The following PCDHA7 variants were observed in gnomAD, a reference collection of about 807,000 sequenced individuals.
PCDHA7 encodes protocadherin alpha-7.
PCDHA7 carries 37 observed loss-of-function variants against 57.2 expected under a neutral mutation model. The ratio of observed to expected loss-of-function variants is 0.65; its 90% CI spans 0.50 to 0.85. The LOEUF (loss-of-function observed/expected upper bound fraction) is 0.85. Ranked by LOEUF, PCDHA7 falls within the 40% of genes least tolerant of loss-of-function variation. The probability of loss-of-function intolerance (pLI) is 0.00; values close to 1 mark genes in which losing one functional copy is unlikely to be tolerated. For synonymous variants in PCDHA7, 553 were observed against 558.8 expected (o/e 0.99, Z 0.15); for missense variants, 1,188 against 1,241.8 (o/e 0.96, Z 0.65).
At chr5:140,863,423 T>A (rs1334887353) in intron 1 of PCDHA7, 2 of 677,498 alleles carry the variant, frequency 3.0e-6, no homozygotes, top group Non-Finnish European at 5.2e-6. Flanking sequence ...TACCGCAGCG[T>A]AGTGGGATCT....
In PCDHA7 at chr5:140,843,242, G is replaced by T. The variant is rs2150355808; in HGVS notation, c.2355+6504G>T. On this transcript the variant is annotated intron_variant, in intron 1 of 3. Transcript: ENST00000525929. Reference sequence around the variant, plus strand: ...CACCACTCGTGTCCTGGACGAAGCGGACTCTCCGCGCCACCGTCTGCTGGT... The same window carrying T: ...CACCACTCGTGTCCTGGACGAAGCGTACTCTCCGCGCCACCGTCTGCTGGT... 2.5e-5 allele frequency: 40 copies of T among 1,596,002 alleles called. 3 individuals carry two copies. In the African/African-American group the frequency reaches 3.4e-4, roughly 13 times the overall value.
intron 1 of PCDHA7, chr5:140,851,454 T>C: frequency 1.1e-6 from 1 of 899,244 alleles, no homozygotes; most frequent in Non-Finnish European, 1.4e-6. Flanking sequence ...ACTTTAGGAA[T>C]CAAATTATGT....
chr5:140,979,573 G>T lies in PCDHA7; in HGVS notation c.2414+566G>T, dbSNP rs558232107. Among the ~76,000 whole-genome samples, 224 of 152,236 alleles carry T rather than the reference G, an allele frequency of 1.5e-3. 1 individual carries two copies. Among genetic ancestry groups the T allele is most frequent in the African/African-American group, 5.2e-3 (215 of 41,538 alleles). On this transcript the variant is annotated intron_variant, in intron 2 of 3. Transcript: ENST00000525929. ...CTTCAGAAGATGAGCCATGTAAAGG[G>T]CTCCAAATCTAGCTTACTTTAAATT...
intron 1 of PCDHA7, among the ~76,000 whole-genome samples, chr5:140,897,618 T>C: frequency 6.6e-6 from 1 of 152,172 alleles, no homozygotes; most frequent in Non-Finnish European, 1.5e-5. Flanking sequence ...TTCCAAGTCT[T>C]TACTATTGTG....
intron 1 of PCDHA7, among the ~76,000 whole-genome samples, chr5:140,930,626 A>G (rs1554207971): frequency 6.6e-6 from 1 of 152,220 alleles, no homozygotes; most frequent in Non-Finnish European, 1.5e-5. Flanking sequence ...GGAGGTGTGT[A>G]GAAATTAAGG....
intron 2 of PCDHA7, among the ~76,000 whole-genome samples, chr5:140,980,164 G>A (rs187011465): frequency 1.6e-3 from 238 of 152,226 alleles, no homozygotes; most frequent in Middle Eastern, 6.8e-3. Context: ...AGAATATTAG[G>A]TATCAGAAGA....
At chr5:140,862,361 ACCC>A in intron 1 of PCDHA7, 2 of 339,278 alleles carry the variant, frequency 5.9e-6, no homozygotes, top group South Asian at 4.8e-5. Context: ...GGGACAGACG[ACCC>A]GCACCCTGAC....
Position 140,907,813 on chromosome 5 carries a change from G to A in PCDHA7, c.2355+71075G>A, listed in dbSNP as rs192249919. On this transcript the variant is annotated intron_variant, in intron 1 of 3. Coordinates refer to ENST00000525929, the MANE Select transcript of PCDHA7 (RefSeq NM_018910.3). ...AGAGGCTAAGTGGTGTCCACAGAACGAGTCATCCTATCCACTTGTTTATTA... is the reference window on the plus strand; with the variant it reads ...AGAGGCTAAGTGGTGTCCACAGAACAAGTCATCCTATCCACTTGTTTATTA... Among the ~76,000 whole-genome samples the A allele has an allele frequency of 2.7e-3, 406 of 152,332 alleles. 1 individual carries two copies. The highest frequency in any genetic ancestry group is 9.3e-3 in the African/African-American group (387 of 41,574).
At chr5:140,938,876 AAC>A (rs142461507) in intron 1 of PCDHA7, among the ~76,000 whole-genome samples, 10 of 151,120 alleles carry the variant, frequency 6.6e-5, no homozygotes, top group Non-Finnish European at 1.3e-4. Flanking sequence ...GTTAAGAAGC[AAC>A]ACACACACAC....
At chr5:140,912,410 T>C (rs2075912290) in intron 1 of PCDHA7, among the ~76,000 whole-genome samples, 1 of 152,090 alleles carries the variant, frequency 6.6e-6, no homozygotes, top group Non-Finnish European at 1.5e-5. Context: ...AGCTTGGTTA[T>C]TATTGGTGTA....
intron 1 of PCDHA7, chr5:140,876,227 C>T (rs782218758): frequency 2.5e-6 from 4 of 1,613,794 alleles, no homozygotes; most frequent in South Asian, 2.2e-5. Flanking sequence ...GTAGTGTTGT[C>T]TGAAAATGTC....
intron 1 of PCDHA7, chr5:140,866,520 T>C (rs1294227332): frequency 6.6e-6 from 1 of 152,150 alleles, no homozygotes; most frequent in Non-Finnish European, 1.5e-5. Context: ...GACTAAGCCA[T>C]GATAGAGCAG....
chr5:140,859,198 T>C lies in PCDHA7; in HGVS notation c.2355+22460T>C, dbSNP rs1554152210. 2.0e-5 allele frequency: 3 copies of C among 149,984 alleles called. 1 individual carries two copies. The highest frequency in any genetic ancestry group is 7.3e-5 in the African/African-American group (3 of 40,916). The allele number at this position is 149,984 out of a possible 1,614,324, so 9.3% of individuals were successfully genotyped here. A position where few individuals can be genotyped will look rare whatever the true frequency, so the allele number is the denominator to read the frequency against. ...CAGCATTAGGCATTGCTTATGATAT[T>C]CAGGTATTAGCTCTTTCACTTTAAG... On this transcript the variant is annotated intron_variant, in intron 1 of 3. Coordinates refer to ENST00000525929, the MANE Select transcript of PCDHA7 (RefSeq NM_018910.3).
At chr5:140,842,126 C>T (rs534570289) in intron 1 of PCDHA7, 2 of 1,613,822 alleles carry the variant, frequency 1.2e-6, no homozygotes, top group Non-Finnish European at 1.7e-6. Flanking sequence ...TGCTTCTGAT[C>T]CGGATGAAGG....
At chr5:140,847,907 G>A (rs1382630949) in intron 1 of PCDHA7, 1 of 149,326 alleles carries the variant, frequency 6.7e-6, no homozygotes, top group Non-Finnish European at 1.5e-5. Flanking sequence ...TAGATTTCTG[G>A]GCTCCTATAT....
At chr5:140,911,410 A>G (rs1472938045) in intron 1 of PCDHA7, among the ~76,000 whole-genome samples, 1 of 152,208 alleles carries the variant, frequency 6.6e-6, no homozygotes, top group African/African-American at 2.4e-5. Context: ...AGCCACTGGT[A>G]TGATAAGAAC....
intron 1 of PCDHA7, chr5:140,877,100 C>A (rs782669477): frequency 2.5e-6 from 4 of 1,613,344 alleles, no homozygotes; most frequent in African/African-American, 1.3e-5. Context: ...GCCGGCGTGC[C>A]GCCTCTGGGC....
At position 141,010,163 on chromosome 5, in the gene PCDHA7, C is replaced by T; in HGVS notation, c.*226C>T. Reference sequence around the variant, plus strand: ...CTTTCTCTCCACTCTGGCTTGTTTTCAGAACCTAAAAAGCAGACCCAAGTT... The same window carrying T: ...CTTTCTCTCCACTCTGGCTTGTTTTTAGAACCTAAAAAGCAGACCCAAGTT... On this transcript the variant is annotated 3_prime_UTR_variant, in exon 4 of 4. Transcript: ENST00000525929. 1 of 1,565,826 alleles carries T rather than the reference C, an allele frequency of 6.4e-7. No homozygotes were observed. The highest frequency in any genetic ancestry group is 8.7e-7 in the Non-Finnish European group (1 of 1,154,220).
At chr5:140,927,688 G>C in intron 1 of PCDHA7, 1 of 1,614,062 alleles carries the variant, frequency 6.2e-7, no homozygotes, top group Non-Finnish European at 8.5e-7. Context: ...AGGGTCCAAT[G>C]GGGAAGTCCA....
Sources: gnomAD v4.1 joint callset for allele counts (sites outside exome capture counted in the v4.1 genomes callset) on GRCh38, gnomAD v4.1.1 for gene constraint, MANE v1.5 for transcripts, NCBI Gene and HGNC (gene_info 2026-07-23, HGNC 2026-07-21) for gene names.